GPHN: variants seen among roughly 807,000 people sequenced by gnomAD.
GPHN encodes gephyrin.
A neutral mutation model predicts 95.5 loss-of-function variants in GPHN; 17 were observed. That is an observed-to-expected ratio of 0.18 (90% CI 0.12 to 0.27). The LOEUF is 0.27. Among genes scored for constraint, GPHN ranks in the 10% least tolerant of loss-of-function variants. The pLI is 1.00. For synonymous variants in GPHN, 320 were observed against 322.5 expected (o/e 0.99, Z 0.08); for missense variants, 660 against 978.1 (o/e 0.67, Z 4.34).
At chr14:66,837,344 A>G (rs2153504977) in intron 4 of GPHN, among the ~76,000 whole-genome samples, 1 of 150,444 alleles carries the variant, frequency 6.6e-6, no homozygotes, top group Admixed American at 6.6e-5. Flanking sequence ...TATCGCAAGA[A>G]CAAAAAACCA....
intron 11 of GPHN, 134 bp downstream of exon 11, chr14:67,058,920 T>C (rs2075713372): frequency 1.2e-6 from 1 of 847,446 alleles, no homozygotes; most frequent in Non-Finnish European, 1.9e-6. Flanking sequence ...ATTCTTTTTT[T>C]TTCTTATTTC....
the GPHN span, chr14:67,578,737 G>T: frequency 2.6e-6 from 2 of 761,950 alleles, no homozygotes; most frequent in Non-Finnish European, 4.6e-6. This position sits in a 1 kb window ranked among gnomAD's most constrained non-coding sequence, Gnocchi z 5.0. Flanking sequence ...CCTGTCCTCT[G>T]AAACCGCTCA....
the GPHN span, among the ~76,000 whole-genome samples, chr14:67,503,297 G>A: frequency 6.6e-6 from 1 of 152,212 alleles, no homozygotes; most frequent in Non-Finnish European, 1.5e-5. Flanking sequence ...AGCAAGGCAG[G>A]TGAGTGCCCT....
the GPHN span, among the ~76,000 whole-genome samples, chr14:67,659,404 G>C: frequency 4.1e-3 from 624 of 151,366 alleles, 1 homozygote; most frequent in Admixed American, 7.1e-3. Flanking sequence ...AAAGAAATTA[G>C]ATCAATGAGT....
the GPHN span, among the ~76,000 whole-genome samples, chr14:67,697,255 G>A: frequency 6.6e-6 from 1 of 152,218 alleles, no homozygotes; most frequent in Non-Finnish European, 1.5e-5. Context: ...ATTAGAGAAA[G>A]CTCTGGGAGC....
At chr14:67,619,724 C>T in the GPHN span, 2 of 417,396 alleles carry the variant, frequency 4.8e-6, no homozygotes, top group Non-Finnish European at 8.6e-6. Flanking sequence ...TGTCCCTGGC[C>T]GGAGAGCACA....
At chr14:67,293,633 A>G in the GPHN span, among the ~76,000 whole-genome samples, 1 of 152,178 alleles carries the variant, frequency 6.6e-6, no homozygotes, top group African/African-American at 2.4e-5. Context: ...TTGAAATAAC[A>G]TTACCTTGAT....
chr14:67,537,971 G>C, the GPHN span, among the ~76,000 whole-genome samples: 1 of 152,194 alleles, frequency 6.6e-6, no homozygotes, highest in Non-Finnish European at 1.5e-5. Context: ...TAGCAGGCTG[G>C]GTGCCAGCAG....
At chr14:66,557,400 T>A (rs1192981688) in intron 1 of GPHN, among the ~76,000 whole-genome samples, 1 of 152,148 alleles carries the variant, frequency 6.6e-6, no homozygotes, top group Non-Finnish European at 1.5e-5. Flanking sequence ...GAAAGACCAG[T>A]CATTATGAAT....
At chr14:66,748,649 A>G (rs1358432237) in intron 2 of GPHN, among the ~76,000 whole-genome samples, 3 of 151,972 alleles carry the variant, frequency 2.0e-5, no homozygotes, top group Admixed American at 6.6e-5. Flanking sequence ...AATGTTTGAG[A>G]CCAAATTGTT....
At chr14:67,277,637 T>G in the GPHN span, among the ~76,000 whole-genome samples, 1 of 152,206 alleles carries the variant, frequency 6.6e-6, no homozygotes, top group African/African-American at 2.4e-5. Flanking sequence ...TGTGTGGGTT[T>G]ACACATATGT....
chr14:66,803,329 C>T (rs2060426502), intron 3 of GPHN, among the ~76,000 whole-genome samples: 1 of 152,192 alleles, frequency 6.6e-6, no homozygotes, highest in Non-Finnish European at 1.5e-5. Flanking sequence ...CTATTCAAAA[C>T]TTTTTCTATG....
chr14:66,718,750 T>C (rs1238628498), intron 2 of GPHN, among the ~76,000 whole-genome samples: 1 of 152,150 alleles, frequency 6.6e-6, no homozygotes, highest in Non-Finnish European at 1.5e-5. Context: ...ATCCTCTAGC[T>C]AGACAGAAAA....
the GPHN span, among the ~76,000 whole-genome samples, chr14:67,213,944 T>C: frequency 1.3e-5 from 2 of 152,264 alleles, no homozygotes; most frequent in Non-Finnish European, 2.9e-5. Context: ...CATGTGTTTT[T>C]TGGCTGCATA....
the GPHN span, among the ~76,000 whole-genome samples, chr14:67,202,770 C>T: frequency 6.6e-6 from 1 of 152,182 alleles, no homozygotes; most frequent in African/African-American, 2.4e-5. Context: ...CACTGCCTGT[C>T]TCCCCACTCT....
At chr14:66,747,268 T>C (rs1312257517) in intron 2 of GPHN, among the ~76,000 whole-genome samples, 5 of 152,158 alleles carry the variant, frequency 3.3e-5, no homozygotes, top group Non-Finnish European at 7.3e-5. Flanking sequence ...GGACCCCTAA[T>C]TGATTTTTAA....
the GPHN span, among the ~76,000 whole-genome samples, chr14:67,193,164 A>G: frequency 7.0e-6 from 1 of 143,006 alleles, no homozygotes; most frequent in Admixed American, 7.1e-5. Flanking sequence ...CTCTATATAG[A>G]CATCTATATA....
At chr14:67,160,349 C>G (rs1432270217) in intron 19 of GPHN, among the ~76,000 whole-genome samples, 1 of 151,492 alleles carries the variant, frequency 6.6e-6, no homozygotes, top group East Asian at 1.9e-4. Flanking sequence ...TTTTCCTTTG[C>G]AAGAATGTTT....
At chr14:66,890,410 CAAAAA>C (rs781415190) in intron 5 of GPHN, among the ~76,000 whole-genome samples, 1 of 80,016 alleles carries the variant, frequency 1.2e-5, no homozygotes, top group Admixed American at 1.2e-4. Context: ...GACCCTGTCT[CAAAAA>C]AAAAAAAAAA....
Sources: allele counts gnomAD v4.1 joint callset (sites outside exome capture counted in the v4.1 genomes callset), GRCh38; gene constraint gnomAD v4.1.1; non-coding constraint Gnocchi (gnomAD v3.1); transcripts MANE v1.5; gene names NCBI Gene and HGNC (gene_info 2026-07-23, HGNC 2026-07-21).